AKAP13: variants seen among roughly 807,000 people sequenced by gnomAD.
AKAP13 encodes A-kinase anchoring protein 13.
A neutral mutation model predicts 264.5 loss-of-function variants in AKAP13; 80 were observed. That is an observed-to-expected ratio of 0.30 (90% CI 0.25 to 0.36). The LOEUF (loss-of-function observed/expected upper bound fraction) is 0.36, where lower values mean the gene tolerates loss of function less well. Ranked by LOEUF, AKAP13 falls within the 10% of genes least tolerant of loss-of-function variation. AKAP13 has a pLI of 1.00. For synonymous variants in AKAP13, 1,380 were observed against 1,250.2 expected, an observed-to-expected ratio of 1.10 and a Z score of -2.19; for missense variants, 3,712 against 3,435.2, an observed-to-expected ratio of 1.08 and a Z score of -2.01.
At chr15:85,522,980 C>T (rs142238618) in intron 3 of AKAP13, among the ~76,000 whole-genome samples, 235 of 142,754 alleles carry the variant, frequency 1.6e-3, no homozygotes, top group African/African-American at 5.5e-3. Flanking sequence ...CTGCTTCCCA[C>T]CTGAATTTAG....
chr15:85,613,103 A>G (rs1024392338), intron 8 of AKAP13, among the ~76,000 whole-genome samples: 2 of 152,214 alleles, frequency 1.3e-5, no homozygotes, highest in Admixed American at 6.5e-5. Context: ...ATTCAAAACT[A>G]TGAGTAAATA....
Position 85,521,680 on chromosome 15 carries a change from TA to T in AKAP13, c.181+112del, listed in dbSNP as rs1018259397. 101 of 1,229,172 alleles carry T rather than the reference TA, an allele frequency of 8.2e-5. 1 individual carries two copies. The highest frequency in any genetic ancestry group is 4.3e-4 in the African/African-American group (28 of 64,722). 76.1% of individuals were successfully genotyped at this position (1,229,172 alleles called of 1,614,324 possible). A position where few individuals can be genotyped will look rare whatever the true frequency, so the allele number is the denominator to read the frequency against. On this transcript the variant is annotated intron_variant, in intron 3 of 36. Transcript: ENST00000394518. ...CAGGAAGAGTGAAGTGTAGACAGTA[TA>T]AAAAAATTTATTAGTTTATAAAGCA...
At chr15:85,639,732 G>C (rs1272517968) in intron 9 of AKAP13, among the ~76,000 whole-genome samples, 2 of 152,182 alleles carry the variant, frequency 1.3e-5, no homozygotes, top group Non-Finnish European at 1.5e-5. Flanking sequence ...TTTTAATCTG[G>C]TAAAAGTATA....
intron 1 of AKAP13, among the ~76,000 whole-genome samples, chr15:85,414,740 A>T (rs953124300): frequency 6.6e-6 from 1 of 152,228 alleles, no homozygotes; most frequent in African/African-American, 2.4e-5. Flanking sequence ...TCTTTTTCAA[A>T]GTCTCTTTGA....
In AKAP13 at chr15:85,575,026, C is replaced by T. The variant is rs148194777; in HGVS notation, c.663-105C>T. The T allele has an allele frequency of 3.8e-3, 4,245 of 1,118,834 alleles. 10 individuals are homozygous for T. The highest frequency in any genetic ancestry group is 4.5e-3 in the Non-Finnish European group (3,435 of 769,004). 69.3% of individuals were successfully genotyped at this position (1,118,834 alleles called of 1,614,324 possible). ...ATATATACTAATTTTTGCTGTTGAA[C>T]CTCAAAGAACAATCAGGTTAGAAAT... On this transcript the variant is annotated intron_variant, in intron 5 of 36. Coordinates refer to ENST00000394518, the MANE Select transcript of AKAP13 (RefSeq NM_007200.5).
chr15:85,544,098 T>C, intron 5 of AKAP13, 143 bp downstream of exon 5: 1 of 981,388 alleles, frequency 1.0e-6, no homozygotes, highest in Non-Finnish European at 1.6e-6. Flanking sequence ...TGCTGGAGGT[T>C]TGTAAGCTTG....
intron 10 of AKAP13, among the ~76,000 whole-genome samples, chr15:85,646,916 A>G (rs952972301): frequency 6.6e-6 from 1 of 152,224 alleles, no homozygotes; most frequent in African/African-American, 2.4e-5. Context: ...CACAGCAGAG[A>G]TGGCAAATGC....
At chr15:85,612,313 G>T (rs2080674521) in intron 8 of AKAP13, among the ~76,000 whole-genome samples, 1 of 152,164 alleles carries the variant, frequency 6.6e-6, no homozygotes, top group African/African-American at 2.4e-5. Flanking sequence ...AGTTTATTAT[G>T]TGTAAATTAT....
chr15:85,535,814 T>TA (rs1172924989), intron 4 of AKAP13: 2 of 151,816 alleles, frequency 1.3e-5, no homozygotes, highest in Non-Finnish European at 2.9e-5. Flanking sequence ...TTTTTTTTTT[T>TA]TTTGAGATAG....
intron 8 of AKAP13, among the ~76,000 whole-genome samples, chr15:85,622,327 A>G (rs946218775): frequency 3.9e-5 from 6 of 152,176 alleles, no homozygotes; most frequent in Non-Finnish European, 8.8e-5. Context: ...CAGAGGATGG[A>G]AAGACACTAG....
chr15:85,682,248 A>C lies in AKAP13; in HGVS notation c.5156+36A>C, dbSNP rs562889092. On this transcript the variant is annotated intron_variant, in intron 15 of 36. Coordinates refer to ENST00000394518, the MANE Select transcript of AKAP13 (RefSeq NM_007200.5). ...TTTGTTACTCCTTTTTCCAGAAATA[A>C]AATGAAGAAAATTTAAAATCTCTTA... 24 of 1,594,962 alleles carry C rather than the reference A, an allele frequency of 1.5e-5. No homozygotes were observed. The South Asian group carries it at 2.5e-4, about 16-fold the overall frequency.
At chr15:85,626,327 A>T (rs561456641) in intron 8 of AKAP13, among the ~76,000 whole-genome samples, 1 of 152,348 alleles carries the variant, frequency 6.6e-6, no homozygotes, top group African/African-American at 2.4e-5. Flanking sequence ...ATTGTTATAT[A>T]ACCATCCCAC....
intron 8 of AKAP13, among the ~76,000 whole-genome samples, chr15:85,587,631 T>C (rs1306147875): frequency 1.3e-5 from 2 of 152,174 alleles, no homozygotes; most frequent in African/African-American, 4.8e-5. Flanking sequence ...TGTTTAAAGC[T>C]ATTAACTTTT....
intron 19 of AKAP13, among the ~76,000 whole-genome samples, chr15:85,714,674 C>T (rs2086819319): frequency 6.6e-6 from 1 of 152,100 alleles, no homozygotes; most frequent in South Asian, 2.1e-4. Context: ...CCTTAAAATT[C>T]TTTCAATCTT....
intron 1 of AKAP13, among the ~76,000 whole-genome samples, chr15:85,442,984 C>CA (rs1265924646): frequency 6.6e-6 from 1 of 152,040 alleles, no homozygotes; most frequent in Non-Finnish European, 1.5e-5. Flanking sequence ...TAACTCCCTG[C>CA]TTTTTTTAGG....
chr15:85,693,496 C>G (rs2085399425), intron 17 of AKAP13, 45 bp downstream of exon 17: 1 of 1,590,674 alleles, frequency 6.3e-7, no homozygotes, highest in African/African-American at 1.4e-5. Flanking sequence ...ACTCTCTTGG[C>G]TCAAGAAAGC....
chr15:85,596,123 A>G (rs2079815670), intron 8 of AKAP13, among the ~76,000 whole-genome samples: 1 of 152,180 alleles, frequency 6.6e-6, no homozygotes, highest in African/African-American at 2.4e-5. Context: ...AAGTTAGTTG[A>G]TGGTGAAAAT....
intron 8 of AKAP13, among the ~76,000 whole-genome samples, chr15:85,613,715 A>ATGTATGTATATATATATATATATATAT (rs1421387238): frequency 1.2e-4 from 9 of 77,098 alleles, no homozygotes; most frequent in East Asian, 1.1e-3. Context: ...TATATATATT[A>ATGTATGTATATATATATATATATATAT]GGAGTGCTGA....
intron 5 of AKAP13, 28 bp from the exon 6 acceptor site, chr15:85,575,103 T>G (rs752616100): frequency 2.4e-5 from 39 of 1,606,246 alleles, no homozygotes; most frequent in Admixed American, 8.3e-5. Context: ...AGAATGTATA[T>G]ATATTAACCA....
Sources: allele counts gnomAD v4.1 joint callset (sites outside exome capture counted in the v4.1 genomes callset), GRCh38; gene constraint gnomAD v4.1.1; transcripts MANE v1.5; gene names NCBI Gene and HGNC (gene_info 2026-07-23, HGNC 2026-07-21).